The following PTPRM variants were observed in gnomAD, a reference collection of about 807,000 sequenced individuals.
PTPRM encodes the protein receptor-type tyrosine-protein phosphatase mu.
PTPRM carries 47 observed loss-of-function variants against 186.7 expected under a neutral mutation model. The ratio of observed to expected loss-of-function variants is 0.25; its 90% CI spans 0.20 to 0.32. The LOEUF is 0.32. PTPRM is among the 10% of genes least tolerant of loss of function. The pLI is 1.00. For synonymous variants in PTPRM, 668 were observed against 674.9 expected (o/e 0.99, Z 0.16); for missense variants, 1,494 against 1,865.0 (o/e 0.80, Z 3.66).
At chr18:7,778,182 G>T (rs2042682386) in intron 2 of PTPRM, among the ~76,000 whole-genome samples, 1 of 152,182 alleles carries the variant, frequency 6.6e-6, no homozygotes, top group Non-Finnish European at 1.5e-5. Context: ...AATGCAGTTT[G>T]GAGTTTTGTG....
intron 10 of PTPRM, among the ~76,000 whole-genome samples, chr18:8,086,251 G>A (rs939397861): frequency 6.6e-6 from 1 of 152,110 alleles, no homozygotes. Context: ...GTCATATAGA[G>A]TCTGCTTCCT....
intron 1 of PTPRM, among the ~76,000 whole-genome samples, chr18:7,711,989 G>A (rs1012578719): frequency 1.3e-5 from 2 of 152,116 alleles, no homozygotes; most frequent in Non-Finnish European, 2.9e-5. Context: ...TCCACTAAGG[G>A]TCAGACTGCC....
chr18:8,389,612 C>T (rs2095798759), intron 31 of PTPRM, among the ~76,000 whole-genome samples: 1 of 152,228 alleles, frequency 6.6e-6, no homozygotes, highest in Non-Finnish European at 1.5e-5. Context: ...GTGGGGCTGT[C>T]TCTTGCTCTC....
intron 9 of PTPRM, among the ~76,000 whole-genome samples, chr18:8,083,010 C>T (rs1212222566): frequency 6.6e-6 from 1 of 152,016 alleles, no homozygotes; most frequent in African/African-American, 2.4e-5. Context: ...CATTTTATCT[C>T]TAAAAGATGC....
rs1222153160 is a variant in PTPRM at position 8,241,559 on chromosome 18, A to C, written c.2301-2499A>C. On this transcript the variant is annotated intron_variant, in intron 14 of 32. Coordinates refer to ENST00000580170, the MANE Select transcript of PTPRM (RefSeq NM_001105244.2). The stretch of plus-strand genomic sequence containing the variant: ...CACGTAAAAATTAAGAGTTGATATA[A>C]AGTCGGGTCTAGTTTCTCCTGAAAC... Among the ~76,000 whole-genome samples the C allele has an allele frequency of 5.9e-5, 9 of 152,152 alleles. No homozygotes were observed. In the East Asian group the frequency reaches 1.2e-3, roughly 20 times the overall value.
At chr18:7,727,152 G>A (rs2040566012) in intron 1 of PTPRM, among the ~76,000 whole-genome samples, 1 of 152,100 alleles carries the variant, frequency 6.6e-6, no homozygotes, top group Admixed American at 6.5e-5. Context: ...TATTTAAGTA[G>A]AGGCTGGGTG....
intron 32 of PTPRM, 100 bp from the exon 33 acceptor site, chr18:8,406,009 A>G (rs1394086274): frequency 1.1e-5 from 11 of 1,025,764 alleles, no homozygotes; most frequent in Non-Finnish European, 4.6e-6. Flanking sequence ...ATCCTCCCAG[A>G]TTGATGTCTT....
intron 11 of PTPRM, among the ~76,000 whole-genome samples, chr18:8,103,260 G>C (rs1041913446): frequency 6.6e-6 from 1 of 152,166 alleles, no homozygotes; most frequent in Non-Finnish European, 1.5e-5. Flanking sequence ...TTTGACACCA[G>C]ACATTGACTT....
intron 14 of PTPRM, among the ~76,000 whole-genome samples, chr18:8,151,909 GA>G (rs1316870282): frequency 6.6e-6 from 1 of 152,020 alleles, no homozygotes; most frequent in Non-Finnish European, 1.5e-5. Flanking sequence ...GGTAGGGAAA[GA>G]AATTCCCCGA....
chr18:8,314,830 A>G lies in PTPRM; in HGVS notation c.2892A>G (p.Ser964=), dbSNP rs770525698. 23 of 1,608,318 alleles carry G rather than the reference A, an allele frequency of 1.4e-5. 1 individual carries two copies. In the South Asian group the frequency reaches 2.0e-4, roughly 14 times the overall value. The change falls in exon 21 of 33, where the codon TCA becomes TCG. Residue 964 remains serine (S), a synonymous_variant. Coordinates refer to ENST00000580170, the MANE Select transcript of PTPRM (RefSeq NM_001105244.2). Reference sequence around the variant, plus strand: ...AGACAATAGAAGGAGACACAAACTCAGACTATATCAATGGCAATTATATCG... The same window carrying G: ...AGACAATAGAAGGAGACACAAACTCGGACTATATCAATGGCAATTATATCG... ...RLQTIEGDTN[S]DYINGNYIDG...
intron 19 of PTPRM, among the ~76,000 whole-genome samples, chr18:8,270,709 C>T (rs117274956): frequency 0.02 from 3,027 of 152,206 alleles, 51 homozygotes; most frequent in Non-Finnish European, 0.03. Flanking sequence ...TTTGCAGCAA[C>T]ATGAATGAAC....
At chr18:8,071,053 C>T (rs1197235307) in intron 8 of PTPRM, among the ~76,000 whole-genome samples, 1 of 152,158 alleles carries the variant, frequency 6.6e-6, no homozygotes, top group South Asian at 2.1e-4. Context: ...ATGAGGAACT[C>T]ACTGCACATC....
At chr18:7,694,246 T>G (rs1174952087) in intron 1 of PTPRM, among the ~76,000 whole-genome samples, 1 of 152,178 alleles carries the variant, frequency 6.6e-6, no homozygotes, top group Non-Finnish European at 1.5e-5. Flanking sequence ...TTAGTCTTAG[T>G]GAATTCCATG....
At chr18:7,616,323 TA>T (rs1240309531) in intron 1 of PTPRM, among the ~76,000 whole-genome samples, 1 of 152,122 alleles carries the variant, frequency 6.6e-6, no homozygotes, top group Non-Finnish European at 1.5e-5. Flanking sequence ...CACACCCTGC[TA>T]ATTTTTAAAA....
chr18:8,261,559 T>A (rs765569338), intron 19 of PTPRM, among the ~76,000 whole-genome samples: 2 of 152,184 alleles, frequency 1.3e-5, no homozygotes, highest in African/African-American at 2.4e-5. Flanking sequence ...TGGTTTATTT[T>A]TTTTTCTGAA....
At chr18:7,794,268 A>G (rs1011537762) in intron 2 of PTPRM, among the ~76,000 whole-genome samples, 3 of 152,138 alleles carry the variant, frequency 2.0e-5, no homozygotes, top group Non-Finnish European at 4.4e-5. Flanking sequence ...GCTAAACTAA[A>G]AGAGCACCTG....
At chr18:8,387,496 G>A (rs1286479254) in intron 31 of PTPRM, among the ~76,000 whole-genome samples, 65 of 58,988 alleles carry the variant, frequency 1.1e-3, no homozygotes, top group Non-Finnish European at 1.4e-3. Context: ...GCCGCCCACT[G>A]CCAAGAGGAA....
intron 1 of PTPRM, among the ~76,000 whole-genome samples, chr18:7,602,409 G>A (rs542229410): frequency 2.0e-5 from 3 of 151,818 alleles, no homozygotes; most frequent in African/African-American, 7.3e-5. Flanking sequence ...TGGGTTATCT[G>A]GGAAGTTTGA....
rs4798584 is a variant in PTPRM, at chr18:7,712,502, C to A, written c.74-61647C>A. On this transcript the variant is annotated intron_variant, in intron 1 of 32. Transcript: ENST00000580170. ...ACTCCTTACTGGCAAGGGAACAAAA[C>A]TGGATGGAGAATGAGTTTGATGAAT... is the stretch of plus-strand genomic sequence containing the variant. Among the ~76,000 whole-genome samples the A allele has an allele frequency of 8.0e-4, 121 of 151,792 alleles. 1 individual carries two copies. Among genetic ancestry groups the A allele is most frequent in the Non-Finnish European group, 1.4e-3 (96 of 67,928 alleles).
Sources: allele counts gnomAD v4.1 joint callset (sites outside exome capture counted in the v4.1 genomes callset), GRCh38; gene constraint gnomAD v4.1.1; transcripts MANE v1.5; gene names NCBI Gene and HGNC (gene_info 2026-07-23, HGNC 2026-07-21).